The following NHSL1 variants were observed in gnomAD, a reference collection of about 807,000 sequenced individuals.
NHSL1 encodes NHS-like protein 1.
Under a neutral mutation model 95.0 loss-of-function variants are expected in NHSL1, and 48 were observed. The ratio of observed to expected loss-of-function variants is 0.51; its 90% CI spans 0.40 to 0.64. NHSL1 has a LOEUF of 0.64. NHSL1 is among the 30% of genes least tolerant of loss of function. The pLI is 0.00. For missense variants in NHSL1, 1,971 were observed against 2,077.7 expected, an observed-to-expected ratio of 0.95 and a Z score of 1.00; for synonymous variants, 783 against 833.9, an observed-to-expected ratio of 0.94 and a Z score of 1.05.
Position 138,472,125 on chromosome 6 carries a change from T to C in NHSL1, c.339+1181A>G, listed in dbSNP as rs961478021. Among the ~76,000 whole-genome samples, 6 of 141,008 alleles carry C rather than the reference T, an allele frequency of 4.3e-5. No individual in the cohort carries two copies. The East Asian group carries it at 1.0e-3, about 24-fold the overall frequency. The allele number at this position is 141,008 out of a possible 152,430, so 92.5% of individuals were successfully genotyped here. On this transcript the variant is annotated intron_variant, in intron 3 of 7. Coordinates refer to ENST00000343505, the MANE Select transcript of NHSL1 (RefSeq NM_001144060.2). ...TGAACCTGGGAGATGGAGTTTGCAG[T>C]GAGCCAAGATTGCATCACTGCACTC...
chr6:138,672,811 A>G (rs1785390808), intron 1 of NHSL1, among the ~76,000 whole-genome samples: 1 of 152,094 alleles, frequency 6.6e-6, no homozygotes, highest in Non-Finnish European at 1.5e-5. Context: ...GAGGTCAGGA[A>G]ATCAAGACCA....
chr6:138,574,606 C>T (rs1424516681), upstream of NHSL1, among the ~76,000 whole-genome samples: 8 of 149,696 alleles, frequency 5.3e-5, no homozygotes, highest in African/African-American at 1.7e-4. Flanking sequence ...GTAGATGAAT[C>T]GTTTGAGCTT....
At chr6:138,515,508 T>A (rs1161830731) in intron 1 of NHSL1, among the ~76,000 whole-genome samples, 1 of 152,248 alleles carries the variant, frequency 6.6e-6, no homozygotes, top group African/African-American at 2.4e-5. Context: ...TTATGGCTTA[T>A]CCGCTCCATA....
In NHSL1 at chr6:138,423,340, A is replaced by G. The variant is rs1775031670; in HGVS notation, c.*741T>C. 6.6e-6 allele frequency: 1 copy of G among 152,220 alleles called. No homozygotes were observed. The highest frequency in any genetic ancestry group is 1.5e-5 in the Non-Finnish European group (1 of 68,038). The allele number at this position is 152,220 out of a possible 1,614,324, so 9.4% of individuals were successfully genotyped here. On this transcript the variant is annotated 3_prime_UTR_variant, in exon 8 of 8. Coordinates refer to ENST00000343505, the MANE Select transcript of NHSL1 (RefSeq NM_001144060.2). Reference sequence around the variant, plus strand: ...TCATTAAAAAATTACCCACACTTCTAAAAATCAGGCTACAATTGTGTGTAT... The same window carrying G: ...TCATTAAAAAATTACCCACACTTCTGAAAATCAGGCTACAATTGTGTGTAT...
At chr6:138,688,108 T>C (rs759903300) in intron 1 of NHSL1, among the ~76,000 whole-genome samples, 1 of 152,096 alleles carries the variant, frequency 6.6e-6, no homozygotes, top group Non-Finnish European at 1.5e-5. Context: ...TGTGCCCCTA[T>C]GCCCAGCTAA....
intron 3 of NHSL1, among the ~76,000 whole-genome samples, chr6:138,462,292 T>C (rs1485133091): frequency 6.6e-6 from 1 of 152,086 alleles, no homozygotes; most frequent in Non-Finnish European, 1.5e-5. Flanking sequence ...GTGGAGATGA[T>C]CAAAAGGGAA....
intron 1 of NHSL1, among the ~76,000 whole-genome samples, chr6:138,649,232 C>T (rs1785057108): frequency 6.6e-6 from 1 of 152,000 alleles, no homozygotes; most frequent in South Asian, 2.1e-4. Flanking sequence ...AGGGTGTCAG[C>T]TCTATACACT....
chr6:138,581,503 C>T (rs1322284888), intron 1 of NHSL1, among the ~76,000 whole-genome samples: 3 of 151,752 alleles, frequency 2.0e-5, no homozygotes, highest in Non-Finnish European at 1.5e-5. Context: ...ACCAGCCTGG[C>T]CAACATGGTG....
intron 1 of NHSL1, among the ~76,000 whole-genome samples, chr6:138,636,783 A>T (rs1284526270): frequency 6.6e-6 from 1 of 152,230 alleles, no homozygotes; most frequent in Non-Finnish European, 1.5e-5. Flanking sequence ...ATGGAAAAAT[A>T]TTCCACGTTC....
intron 1 of NHSL1, among the ~76,000 whole-genome samples, chr6:138,553,069 GA>G (rs942866833): frequency 1.0e-4 from 15 of 147,768 alleles, no homozygotes; most frequent in African/African-American, 2.7e-4. Context: ...CCCTCCAGAG[GA>G]AAAAAAAAAT....
intron 1 of NHSL1, among the ~76,000 whole-genome samples, chr6:138,677,827 G>A (rs1240859651): frequency 2.6e-5 from 4 of 152,196 alleles, no homozygotes; most frequent in African/African-American, 4.8e-5. Flanking sequence ...CAGTGATTCT[G>A]ATTTAGTAGG....
chr6:138,593,007 T>C (rs1784253679), intron 1 of NHSL1, among the ~76,000 whole-genome samples: 1 of 152,184 alleles, frequency 6.6e-6, no homozygotes, highest in Non-Finnish European at 1.5e-5. Flanking sequence ...GTCATGGCAG[T>C]TCACTTCAAA....
intron 1 of NHSL1, chr6:138,691,802 T>C (rs996367217): frequency 3.0e-5 from 13 of 428,860 alleles, no homozygotes; most frequent in Non-Finnish European, 4.2e-5. Flanking sequence ...CTTTCAGGGT[T>C]GGAGGAAGCC....
Position 138,541,069 on chromosome 6 carries a change from T to C in NHSL1, c.16+4554A>G, listed in dbSNP as rs1049038389. Among the ~76,000 whole-genome samples the C allele has an allele frequency of 3.9e-5, 6 of 152,182 alleles. No homozygotes were observed. In the East Asian group the frequency reaches 7.7e-4, roughly 20 times the overall value. On this transcript the variant is annotated intron_variant, in intron 1 of 4. Coordinates refer to the NHSL1 transcript ENST00000342260. The stretch of plus-strand genomic sequence containing the variant: ...AGGATATATGTATGCATCCTGTCCA[T>C]ATTAAAAGCAACATCAGGCCAGGCG...
intron 2 of NHSL1, among the ~76,000 whole-genome samples, chr6:138,482,086 C>T (rs1300758846): frequency 2.0e-5 from 3 of 152,124 alleles, no homozygotes; most frequent in Non-Finnish European, 4.4e-5. Context: ...TGAAAGTATG[C>T]CAACTATCAC....
rs142908137 is a variant in NHSL1 at position 138,558,002 on chromosome 6, TTC to T, written c.202+13706_202+13707del. On this transcript the variant is annotated intron_variant, in intron 1 of 6. Transcript: ENST00000427025. Reference sequence around the variant, plus strand: ...ATTCTGAAAGATGAACGAGGCAAGCTTCTGTTATATGGAACTACAAATAAGTA... The same window carrying T: ...ATTCTGAAAGATGAACGAGGCAAGCTTGTTATATGGAACTACAAATAAGTA... Among the ~76,000 whole-genome samples, 38 of 152,358 alleles carry T rather than the reference TTC, an allele frequency of 2.5e-4. No homozygotes were observed. In the East Asian group the frequency reaches 4.2e-3, roughly 17 times the overall value.
intron 1 of NHSL1, among the ~76,000 whole-genome samples, chr6:138,654,280 TTAAC>T (rs1463735637): frequency 6.6e-6 from 1 of 152,188 alleles, no homozygotes; most frequent in Non-Finnish European, 1.5e-5. Context: ...GCAAAAAAAA[TTAAC>T]TGATACTATC....
intron 1 of NHSL1, among the ~76,000 whole-genome samples, chr6:138,685,905 G>C (rs1267780047): frequency 6.6e-6 from 1 of 152,064 alleles, no homozygotes; most frequent in Non-Finnish European, 1.5e-5. Context: ...CAAATTATTT[G>C]TGCCTTAGCT....
At chr6:138,511,196 T>G (rs1781206735) in intron 1 of NHSL1, among the ~76,000 whole-genome samples, 1 of 152,220 alleles carries the variant, frequency 6.6e-6, no homozygotes, top group Non-Finnish European at 1.5e-5. Context: ...TCTTCATATC[T>G]TAGCAAATAA....
Sources: allele counts gnomAD v4.1 joint callset (sites outside exome capture counted in the v4.1 genomes callset), GRCh38; gene constraint gnomAD v4.1.1; transcripts MANE v1.5; gene names NCBI Gene and HGNC (gene_info 2026-07-23, HGNC 2026-07-21).